Variants in CFAP299 observed in about 807,000 individuals in gnomAD.
CFAP299 encodes the protein cilia and flagella associated protein 299, also known as cilia- and flagella-associated protein 299.
A neutral mutation model predicts 27.0 loss-of-function variants in CFAP299; 21 were observed. That is an observed-to-expected ratio of 0.78 (90% CI 0.55 to 1.12). CFAP299 has a LOEUF of 1.12. CFAP299 is among the 50% of genes most tolerant of loss of function. CFAP299 has a pLI of 0.00. For missense variants in CFAP299, 310 were observed against 276.6 expected (o/e 1.12, Z -0.86); for synonymous variants, 104 against 98.1 (o/e 1.06, Z -0.36).
At chr4:80,444,047 A>G (rs6845203) in intron 2 of CFAP299, among the ~76,000 whole-genome samples, 13,626 of 152,238 alleles carry the variant, frequency 0.09, 1,493 homozygotes, top group African/African-American at 0.26. Context: ...AAGAAATGGG[A>G]AAACATTCCA....
Position 80,955,063 on chromosome 4 carries a change from T to C in CFAP299, c.607-8454T>C, listed in dbSNP as rs111748679. 2.6e-4 allele frequency among the ~76,000 whole-genome samples: 34 copies of C among 132,862 alleles called. 1 individual carries two copies. Among genetic ancestry groups the C allele is most frequent in the African/African-American group, 9.0e-4 (30 of 33,376 alleles). The allele number at this position is 132,862 out of a possible 152,430, so 87.2% of individuals were successfully genotyped here. A position where few individuals can be genotyped will look rare whatever the true frequency, so the allele number is the denominator to read the frequency against. On this transcript the variant is annotated intron_variant, in intron 5 of 5. Transcript: ENST00000358105. Reference sequence around the variant, plus strand: ...ACACATGGCCATATACAGAGTAGTATAATTGTATTTTAGGTTATTCAAAGA... The same window carrying C: ...ACACATGGCCATATACAGAGTAGTACAATTGTATTTTAGGTTATTCAAAGA...
chr4:80,571,921 C>T (rs1309711878), intron 2 of CFAP299, among the ~76,000 whole-genome samples: 3 of 152,116 alleles, frequency 2.0e-5, no homozygotes, highest in Admixed American at 6.6e-5. Context: ...CCATTTGCCA[C>T]GGCAGCCCAA....
At chr4:80,385,381 T>G (rs1350730732) in intron 2 of CFAP299, among the ~76,000 whole-genome samples, 4 of 152,166 alleles carry the variant, frequency 2.6e-5, no homozygotes. Flanking sequence ...TATGGTTTTC[T>G]AGAAAAAAAT....
chr4:80,913,636 C>T (rs1452845529), intron 4 of CFAP299, among the ~76,000 whole-genome samples: 3 of 152,140 alleles, frequency 2.0e-5, no homozygotes, highest in African/African-American at 4.8e-5. Flanking sequence ...TTTGAAACAA[C>T]AGTTACAGAA....
At chr4:80,417,913 G>A (rs7699572) in intron 2 of CFAP299, among the ~76,000 whole-genome samples, 97,664 of 152,002 alleles carry the variant, frequency 0.64, 34,059 homozygotes, top group Non-Finnish European at 0.77. Flanking sequence ...AGGAAAAAGC[G>A]ACAAGGTACC....
At chr4:80,687,809 G>A (rs1720310890) in intron 3 of CFAP299, among the ~76,000 whole-genome samples, 1 of 152,280 alleles carries the variant, frequency 6.6e-6, no homozygotes, top group Admixed American at 6.5e-5. Context: ...GTCAGACAGT[G>A]GGCGCAGGTC....
chr4:80,684,285 G>T (rs201362881), intron 3 of CFAP299, among the ~76,000 whole-genome samples: 4 of 132,190 alleles, frequency 3.0e-5, no homozygotes, highest in East Asian at 4.5e-4. Context: ...GGGGGGGGGG[G>T]ACGGAGCCTC....
intron 3 of CFAP299, among the ~76,000 whole-genome samples, chr4:80,638,817 G>T (rs537730927): frequency 5.8e-4 from 89 of 152,284 alleles, no homozygotes; most frequent in Non-Finnish European, 1.0e-3. Context: ...GTATTAGGTT[G>T]TCTGCTCATG....
At chr4:80,413,753 T>TTTTC (rs1159781676) in intron 2 of CFAP299, among the ~76,000 whole-genome samples, 2 of 148,886 alleles carry the variant, frequency 1.3e-5, no homozygotes, top group East Asian at 4.0e-4. Context: ...TGTCATTCTT[T>TTTTC]TTTTTTTTTT....
chr4:80,622,232 G>GAGCACA (rs1317463009), intron 3 of CFAP299, among the ~76,000 whole-genome samples: 3 of 152,164 alleles, frequency 2.0e-5, no homozygotes, highest in Non-Finnish European at 4.4e-5. Context: ...GCTTGCAATA[G>GAGCACA]TCCAGGTAAG....
chr4:80,488,444 AAAC>A lies in CFAP299; in HGVS notation c.243-94643_243-94641del, dbSNP rs538941793. Among the ~76,000 whole-genome samples, 19 of 152,248 alleles carry A rather than the reference AAAC, an allele frequency of 1.2e-4. No homozygotes were observed. In the South Asian group the frequency reaches 3.9e-3, roughly 32 times the overall value. ...CAGCCTCTGTGATAGGTAAAGAAGA[AAAC>A]AACAAACAAAATAGCATGGTAAACA... is the stretch of plus-strand genomic sequence containing the variant. On this transcript the variant is annotated intron_variant, in intron 2 of 5. Transcript: ENST00000358105.
intron 2 of CFAP299, among the ~76,000 whole-genome samples, chr4:80,364,253 G>T (rs1265807987): frequency 2.6e-5 from 4 of 152,300 alleles, no homozygotes; most frequent in Middle Eastern, 6.8e-3. Context: ...CTGCCTCCAT[G>T]TTCAGTTTGG....
intron 2 of CFAP299, among the ~76,000 whole-genome samples, chr4:80,471,879 G>C (rs1290658948): frequency 6.6e-6 from 1 of 152,158 alleles, no homozygotes; most frequent in Non-Finnish European, 1.5e-5. Context: ...TTGAGGCCTT[G>C]GCAGCACTGA....
chr4:80,457,963 A>G (rs915277855), intron 2 of CFAP299, among the ~76,000 whole-genome samples: 1 of 152,160 alleles, frequency 6.6e-6, no homozygotes, highest in African/African-American at 2.4e-5. Context: ...ATCCTGTGGC[A>G]TATTAATCCA....
intron 4 of CFAP299, among the ~76,000 whole-genome samples, chr4:80,933,434 G>T (rs1051553215): frequency 6.6e-6 from 1 of 152,022 alleles, no homozygotes; most frequent in Admixed American, 6.6e-5. Flanking sequence ...TTAGCATAGT[G>T]CCCAACAGGT....
chr4:80,700,934 G>A (rs147354474), intron 3 of CFAP299, among the ~76,000 whole-genome samples: 1 of 152,096 alleles, frequency 6.6e-6, no homozygotes, highest in East Asian at 1.9e-4. Context: ...TTTTGTGCCA[G>A]CCACTGTTCT....
chr4:80,450,888 C>T (rs62303525), intron 2 of CFAP299, among the ~76,000 whole-genome samples: 8 of 145,600 alleles, frequency 5.5e-5, no homozygotes, highest in Non-Finnish European at 9.1e-5. Flanking sequence ...GGATTAATAC[C>T]GTGTGTGTGT....
In CFAP299 at chr4:80,375,143, GA is replaced by G. The variant is rs373860710; in HGVS notation, c.242+12263del. Among the ~76,000 whole-genome samples the G allele has an allele frequency of 1.4e-3, 215 of 152,260 alleles. 1 individual carries two copies. The South Asian group carries it at 0.026, about 19-fold the overall frequency. Reference sequence around the variant, plus strand: ...TTGAGGAAGAGATTAAAAGGCTCAGGAAAATGGCAATGCTGGAAGGGACATA... The same window carrying G: ...TTGAGGAAGAGATTAAAAGGCTCAGGAAATGGCAATGCTGGAAGGGACATA... On this transcript the variant is annotated intron_variant, in intron 2 of 5. Coordinates refer to ENST00000358105, the MANE Select transcript of CFAP299 (RefSeq NM_152770.3).
At chr4:80,711,877 A>G (rs1722195007) in intron 3 of CFAP299, among the ~76,000 whole-genome samples, 2 of 152,196 alleles carry the variant, frequency 1.3e-5, no homozygotes, top group African/African-American at 4.8e-5. Context: ...ACATTGTGGA[A>G]TACAAGTTCT....
Sources: allele counts gnomAD v4.1 joint callset (sites outside exome capture counted in the v4.1 genomes callset), GRCh38; gene constraint gnomAD v4.1.1; transcripts MANE v1.5; gene names NCBI Gene and HGNC (gene_info 2026-07-23, HGNC 2026-07-21).